The following MAP3K7 variants were observed in gnomAD, a reference collection of about 807,000 sequenced individuals.
MAP3K7 encodes mitogen-activated protein kinase kinase kinase 7, also known as TGF-beta activated kinase 1.
A neutral mutation model predicts 84.8 loss-of-function variants in MAP3K7; 21 were observed. The ratio of observed to expected loss-of-function variants is 0.25; its 90% confidence interval spans 0.18 to 0.36. The LOEUF is 0.36. Among genes scored for constraint, MAP3K7 ranks in the 10% least tolerant of loss-of-function variants. MAP3K7 has a pLI of 1.00. For synonymous variants in MAP3K7, 241 were observed against 247.7 expected, an observed-to-expected ratio of 0.97 and a Z score of 0.25; for missense variants, 503 against 747.7, an observed-to-expected ratio of 0.67 and a Z score of 3.82.
At chr6:90,580,617 G>A (rs929170778) in intron 1 of MAP3K7, among the ~76,000 whole-genome samples, 1 of 152,080 alleles carries the variant, frequency 6.6e-6, no homozygotes, top group Non-Finnish European at 1.5e-5. Context: ...ACCGTACCTA[G>A]CCCAACATTA....
intron 13 of MAP3K7, among the ~76,000 whole-genome samples, 168 bp from the exon 14 acceptor site, chr6:90,523,951 C>T (rs570398990): frequency 1.3e-5 from 2 of 152,260 alleles, no homozygotes; most frequent in African/African-American, 2.4e-5. Flanking sequence ...TATTCACTCA[C>T]GCATGATACC....
chr6:90,519,110 A>G (rs1039580318), intron 15 of MAP3K7, 148 bp downstream of exon 15: 3 of 580,018 alleles, frequency 5.2e-6, no homozygotes, highest in Non-Finnish European at 6.0e-6. Flanking sequence ...CAAAAGAATT[A>G]TTTTGATTTG....
At chr6:90,541,588 G>A (rs930530822) in intron 12 of MAP3K7, among the ~76,000 whole-genome samples, 8 of 152,038 alleles carry the variant, frequency 5.3e-5, no homozygotes, top group African/African-American at 1.9e-4. Flanking sequence ...TTCAGAGCCA[G>A]TAATATGGTA....
chr6:90,518,495 T>G lies in MAP3K7; in HGVS notation c.1592A>C (p.Gln531Pro). Residue 531 changes from glutamine (Q) to proline (P), a missense_variant, in exon 16 of 17, where the codon CAA (glutamine) becomes CCA (proline). Transcript: ENST00000369329. ...TTCTGTTTGAACTTTCATATATTCT[T>G]GTGCCATTTTACAATGCTGTTCAAA... The part of the protein sequence containing the change: ...AVFEQHCKMA[Q>P]EYMKVQTEIA... The G allele has an allele frequency of 6.2e-7, 1 of 1,609,102 alleles. No homozygotes were observed. The highest frequency in any genetic ancestry group is 8.5e-7 in the Non-Finnish European group (1 of 1,176,922).
At chr6:90,582,917 C>T (rs10944491) in intron 1 of MAP3K7, among the ~76,000 whole-genome samples, 49,733 of 141,832 alleles carry the variant, frequency 0.35, 8,745 homozygotes, top group South Asian at 0.43. Flanking sequence ...GAGTCTCCCT[C>T]TGTTGTCCAG....
intron 12 of MAP3K7, among the ~76,000 whole-genome samples, chr6:90,544,129 G>T (rs1204180799): frequency 6.6e-6 from 1 of 152,086 alleles, no homozygotes; most frequent in Non-Finnish European, 1.5e-5. Flanking sequence ...ACAGAAAGAG[G>T]TTAGGACAGA....
chr6:90,516,368 GCAGCAAATAT>G lies in MAP3K7; in HGVS notation c.*123_*132del. 1.2e-6 allele frequency: 1 copy of G among 827,112 alleles called. No individual in the cohort carries two copies. The highest frequency in any genetic ancestry group is 2.0e-6 in the Non-Finnish European group (1 of 510,766). The allele number at this position is 827,112 out of a possible 1,614,324, so 51.2% of individuals were successfully genotyped here. On this transcript the variant is annotated 3_prime_UTR_variant, in exon 17 of 17. Coordinates refer to ENST00000369329, the MANE Select transcript of MAP3K7 (RefSeq NM_145331.3). ...AAGGAAAATAAACAATGAAAAAAAT[GCAGCAAATAT>G]AGGCAGTTGGCATTCAGAACACGCC...
Position 90,516,296 on chromosome 6 carries a change from A to G in MAP3K7, c.*205T>C. On this transcript the variant is annotated 3_prime_UTR_variant, in exon 17 of 17. Coordinates refer to ENST00000369329, the MANE Select transcript of MAP3K7 (RefSeq NM_145331.3). ...GCTGCTCATTCAAGTCACAGATGCT[A>G]CCATGTTATGCAATGAAACAGTAAA... 1 of 593,780 alleles carries G rather than the reference A, an allele frequency of 1.7e-6. No homozygotes were observed. The highest frequency in any genetic ancestry group is 3.0e-6 in the Non-Finnish European group (1 of 337,520). 36.8% of individuals were successfully genotyped at this position (593,780 alleles called of 1,614,324 possible).
At chr6:90,517,869 T>TA (rs1474123538) in intron 16 of MAP3K7, among the ~76,000 whole-genome samples, 1 of 151,740 alleles carries the variant, frequency 6.6e-6, no homozygotes, top group Admixed American at 6.6e-5. Context: ...TCATTTTAGT[T>TA]ACCACCAACA....
chr6:90,529,689 A>T (rs1481309580), intron 13 of MAP3K7, among the ~76,000 whole-genome samples: 2 of 152,202 alleles, frequency 1.3e-5, no homozygotes, highest in African/African-American at 2.4e-5. Context: ...TCTTCACACG[A>T]GATTTTTTTC....
intron 14 of MAP3K7, among the ~76,000 whole-genome samples, chr6:90,523,348 C>T (rs1440787661): frequency 1.3e-5 from 2 of 151,592 alleles, no homozygotes; most frequent in African/African-American, 2.4e-5. Context: ...GACTTTACTA[C>T]TATCATCTAG....
At chr6:90,528,795 A>C (rs947653984) in intron 13 of MAP3K7, among the ~76,000 whole-genome samples, 3 of 152,206 alleles carry the variant, frequency 2.0e-5, no homozygotes, top group Non-Finnish European at 4.4e-5. Context: ...CTTTCCTAAC[A>C]ATTTCAGAGA....
rs982269431 is a variant in MAP3K7, at chr6:90,516,334, C to T, written c.*167G>A. The T allele has an allele frequency of 3.0e-6, 2 of 673,978 alleles. No individual in the cohort carries two copies. The highest frequency in any genetic ancestry group is 1.8e-5 in the African/African-American group (1 of 54,408). 41.7% of individuals were successfully genotyped at this position (673,978 alleles called of 1,614,324 possible). ...ATGAAACAGTAAAATTGTATGTCCA[C>T]CATGAGAAAAGGAAAATAAACAATG... On this transcript the variant is annotated 3_prime_UTR_variant, in exon 17 of 17. Coordinates refer to ENST00000369329, the MANE Select transcript of MAP3K7 (RefSeq NM_145331.3).
chr6:90,579,127 T>A (rs1777182234), intron 1 of MAP3K7, among the ~76,000 whole-genome samples: 1 of 152,186 alleles, frequency 6.6e-6, no homozygotes, highest in Admixed American at 6.5e-5. Flanking sequence ...GTCCAGTGCC[T>A]GGTACAGAGA....
rs147999970 is a variant in MAP3K7, at chr6:90,526,527, G to A, written c.1357-2744C>T. Among the ~76,000 whole-genome samples the A allele has an allele frequency of 1.5e-4, 23 of 152,120 alleles. No individual in the cohort carries two copies. In the East Asian group the frequency reaches 4.3e-3, roughly 28 times the overall value. The stretch of plus-strand genomic sequence containing the variant: ...TGAACTGACTTTTAACGTGAATCAT[G>A]CTAATACTTGGGGATGTGACTATAA... On this transcript the variant is annotated intron_variant, in intron 13 of 16. Coordinates refer to ENST00000369329, the MANE Select transcript of MAP3K7 (RefSeq NM_145331.3).
At chr6:90,559,976 C>A in intron 5 of MAP3K7, 100 bp downstream of exon 5, 2 of 1,341,762 alleles carry the variant, frequency 1.5e-6, no homozygotes, top group Non-Finnish European at 1.0e-6. Context: ...AAGAGAAACT[C>A]CTGTACAATA....
At chr6:90,528,377 A>G (rs1380202185) in intron 13 of MAP3K7, among the ~76,000 whole-genome samples, 1 of 152,216 alleles carries the variant, frequency 6.6e-6, no homozygotes, top group East Asian at 1.9e-4. Context: ...ATACAAAAGT[A>G]CCTTTGAGTA....
chr6:90,540,761 G>A (rs9444773), intron 12 of MAP3K7, among the ~76,000 whole-genome samples: 3,519 of 151,892 alleles, frequency 0.023, 172 homozygotes, highest in African/African-American at 0.081. Flanking sequence ...AAAATAATTC[G>A]CTTTCTTAAC....
At chr6:90,536,608 A>C (rs775325569) in intron 12 of MAP3K7, 1 of 532,450 alleles carries the variant, frequency 1.9e-6, no homozygotes, top group Non-Finnish European at 3.4e-6. Context: ...CGGTGTTTTA[A>C]CTCAAAAGTT....
Sources: gnomAD v4.1 joint callset for allele counts (sites outside exome capture counted in the v4.1 genomes callset) on GRCh38, gnomAD v4.1.1 for gene constraint, MANE v1.5 for transcripts, NCBI Gene and HGNC (gene_info 2026-07-23, HGNC 2026-07-21) for gene names.